Variants in ADAMTSL1 observed in about 807,000 individuals in gnomAD.
ADAMTSL1 encodes ADAMTS like 1, also known as ADAMTS-like protein 1.
Under a neutral mutation model 201.8 loss-of-function variants are expected in ADAMTSL1, and 126 were observed. That is an observed-to-expected ratio of 0.62 (90% CI 0.54 to 0.72). The LOEUF is 0.72. ADAMTSL1 is among the 30% of genes least tolerant of loss of function. The pLI, the probability that ADAMTSL1 is intolerant of heterozygous loss-of-function variation, is 0.00. For missense variants in ADAMTSL1, 2,679 were observed against 2,277.8 expected, an observed-to-expected ratio of 1.18 and a Z score of -3.59; for synonymous variants, 1,121 against 903.4, an observed-to-expected ratio of 1.24 and a Z score of -4.32.
At chr9:18,237,137 T>C (rs575501917) in intron 2 of ADAMTSL1, among the ~76,000 whole-genome samples, 3 of 152,360 alleles carry the variant, frequency 2.0e-5, no homozygotes, top group Non-Finnish European at 4.4e-5. Flanking sequence ...TCTTCTTTAA[T>C]CTTAAACTCT....
intron 2 of ADAMTSL1, among the ~76,000 whole-genome samples, chr9:18,456,736 G>A (rs1300426263): frequency 6.6e-6 from 1 of 151,948 alleles, no homozygotes; most frequent in Non-Finnish European, 1.5e-5. Context: ...AGAAACCCTG[G>A]CTTACCACCT....
chr9:18,287,421 C>A (rs1055688183), intron 2 of ADAMTSL1, among the ~76,000 whole-genome samples: 36 of 151,232 alleles, frequency 2.4e-4, no homozygotes, highest in Non-Finnish European at 4.0e-4. Flanking sequence ...ATTTATATAT[C>A]TGTAATATTT....
At chr9:18,903,609 G>A (rs1199291641) in intron 26 of ADAMTSL1, among the ~76,000 whole-genome samples, 1 of 152,166 alleles carries the variant, frequency 6.6e-6, no homozygotes, top group African/African-American at 2.4e-5. Context: ...GAATGTCAAG[G>A]TTGACAGTAG....
chr9:18,205,532 T>C (rs1052740789), intron 2 of ADAMTSL1, among the ~76,000 whole-genome samples: 1 of 152,120 alleles, frequency 6.6e-6, no homozygotes, highest in East Asian at 1.9e-4. Context: ...AGCTTAATTA[T>C]ATTGTTAACC....
intron 2 of ADAMTSL1, among the ~76,000 whole-genome samples, chr9:18,466,699 A>G (rs1821019087): frequency 6.6e-6 from 1 of 152,030 alleles, no homozygotes; most frequent in Non-Finnish European, 1.5e-5. Context: ...GTTCTTTTTT[A>G]TATTTATTTC....
chr9:18,207,749 T>A (rs1361759375), intron 2 of ADAMTSL1, among the ~76,000 whole-genome samples: 1 of 152,158 alleles, frequency 6.6e-6, no homozygotes, highest in Non-Finnish European at 1.5e-5. Flanking sequence ...AATTTTTATT[T>A]GGTTTATGTA....
intron 2 of ADAMTSL1, among the ~76,000 whole-genome samples, chr9:18,419,459 A>G (rs968492729): frequency 1.3e-5 from 2 of 152,056 alleles, no homozygotes; most frequent in Non-Finnish European, 2.9e-5. Context: ...TGTTTACTCT[A>G]GAGAAATAGA....
At chr9:18,564,563 C>G (rs1338011768) in intron 3 of ADAMTSL1, among the ~76,000 whole-genome samples, 1 of 152,216 alleles carries the variant, frequency 6.6e-6, no homozygotes, top group Non-Finnish European at 1.5e-5. Context: ...AAATAGCTCT[C>G]CTATACTAGT....
chr9:18,798,004 A>G (rs547695989), intron 20 of ADAMTSL1, among the ~76,000 whole-genome samples: 21 of 152,302 alleles, frequency 1.4e-4, no homozygotes, highest in African/African-American at 4.6e-4. Flanking sequence ...ACTTGCAGTC[A>G]AATCCTCTTG....
At chr9:18,847,779 T>C (rs1036709717) in intron 23 of ADAMTSL1, among the ~76,000 whole-genome samples, 1 of 151,994 alleles carries the variant, frequency 6.6e-6, no homozygotes, top group Non-Finnish European at 1.5e-5. Context: ...CACAATGAGG[T>C]AACAGAGGGA....
chr9:18,355,120 A>G (rs1836156295), intron 2 of ADAMTSL1, among the ~76,000 whole-genome samples: 1 of 152,096 alleles, frequency 6.6e-6, no homozygotes, highest in South Asian at 2.1e-4. Context: ...CACCTGGGAG[A>G]CCCTCACTGA....
At chr9:17,943,498 G>A (rs1317908824) in intron 1 of ADAMTSL1, among the ~76,000 whole-genome samples, 4 of 152,062 alleles carry the variant, frequency 2.6e-5, no homozygotes, top group Non-Finnish European at 4.4e-5. Flanking sequence ...GGTGGGGGTA[G>A]TGCCAAAGTT....
chr9:18,601,030 T>C (rs1824614806), intron 4 of ADAMTSL1, among the ~76,000 whole-genome samples: 1 of 152,180 alleles, frequency 6.6e-6, no homozygotes, highest in African/African-American at 2.4e-5. Flanking sequence ...GTTTCTTTTC[T>C]TTCTGATTTC....
intron 7 of ADAMTSL1, among the ~76,000 whole-genome samples, chr9:18,643,935 A>T (rs1827611917): frequency 6.6e-6 from 1 of 151,790 alleles, no homozygotes; most frequent in African/African-American, 2.4e-5. Flanking sequence ...TGGAATTTTG[A>T]TGGAGATTCC....
intron 2 of ADAMTSL1, among the ~76,000 whole-genome samples, chr9:18,280,584 T>A (rs1336075450): frequency 2.0e-5 from 3 of 152,274 alleles, no homozygotes; most frequent in Middle Eastern, 3.4e-3. Flanking sequence ...TTAATTTATC[T>A]GAGAAATGAT....
intron 23 of ADAMTSL1, among the ~76,000 whole-genome samples, chr9:18,856,323 G>T (rs977107231): frequency 6.6e-6 from 1 of 151,984 alleles, no homozygotes; most frequent in Non-Finnish European, 1.5e-5. Context: ...ATGGTTTTTG[G>T]TTCATTCATA....
intron 2 of ADAMTSL1, among the ~76,000 whole-genome samples, chr9:18,220,771 T>C (rs1440439840): frequency 1.3e-5 from 2 of 152,050 alleles, no homozygotes; most frequent in Admixed American, 1.3e-4. Context: ...TTTTAAATTG[T>C]TACTCCTAAT....
At position 18,777,996 on chromosome 9, in the gene ADAMTSL1, TC is replaced by T; in HGVS notation, c.3677+92del. 5 of 1,480,672 alleles carry T rather than the reference TC, an allele frequency of 3.4e-6. No homozygotes were observed. In the South Asian group the frequency reaches 5.6e-5, roughly 17 times the overall value. The allele number at this position is 1,480,672 out of a possible 1,614,324, so 91.7% of individuals were successfully genotyped here. Reference sequence around the variant, plus strand: ...CTACTTACACATTCTTCAAGGTGTTTCCAGGGGTAGGGCTTAGAGCTGGCCT... The same window carrying T: ...CTACTTACACATTCTTCAAGGTGTTTCAGGGGTAGGGCTTAGAGCTGGCCT... On this transcript the variant is annotated intron_variant, in intron 19 of 28. Coordinates refer to ENST00000380548, the MANE Select transcript of ADAMTSL1 (RefSeq NM_001040272.6).
intron 2 of ADAMTSL1, among the ~76,000 whole-genome samples, chr9:18,195,277 C>G (rs1225833456): frequency 6.6e-6 from 1 of 152,118 alleles, no homozygotes; most frequent in Non-Finnish European, 1.5e-5. Context: ...AACAGACTAT[C>G]CAATTGCTCT....
Sources: allele counts gnomAD v4.1 joint callset (sites outside exome capture counted in the v4.1 genomes callset), GRCh38; gene constraint gnomAD v4.1.1; transcripts MANE v1.5; gene names NCBI Gene and HGNC (gene_info 2026-07-23, HGNC 2026-07-21).